The following CDK15 variants were observed in gnomAD, a reference collection of about 807,000 sequenced individuals.
CDK15 encodes the protein cyclin dependent kinase 15.
CDK15 carries 62 observed loss-of-function variants against 60.3 expected under a neutral mutation model. That is an observed-to-expected ratio of 1.03 (90% CI 0.84 to 1.27). The LOEUF (loss-of-function observed/expected upper bound fraction) is 1.27. Ranked by LOEUF, CDK15 falls within the 50% of genes most tolerant of loss-of-function variation. CDK15 has a pLI of 0.00. For missense variants in CDK15, 541 were observed against 527.8 expected, an observed-to-expected ratio of 1.03 and a Z score of -0.25; for synonymous variants, 194 against 195.7, an observed-to-expected ratio of 0.99 and a Z score of 0.07.
intron 3 of CDK15, among the ~76,000 whole-genome samples, chr2:201,812,090 C>T (rs761424679): frequency 2.0e-5 from 3 of 149,144 alleles, no homozygotes; most frequent in African/African-American, 2.5e-5. Context: ...AGGAGAATTG[C>T]TTGAACCCAG....
intron 12 of CDK15, among the ~76,000 whole-genome samples, chr2:201,884,799 T>C (rs1434728129): frequency 6.6e-6 from 1 of 152,226 alleles, no homozygotes; most frequent in Non-Finnish European, 1.5e-5. Context: ...CATTCATTCA[T>C]TGGAGGTTTA....
chr2:201,808,917 T>G (rs1351631415), intron 3 of CDK15: 1 of 43,326 alleles, frequency 2.3e-5, no homozygotes, highest in Non-Finnish European at 4.9e-5. Flanking sequence ...TTTATTTTAT[T>G]ATTTATATAT....
chr2:201,884,182 T>C (rs1396814614), intron 12 of CDK15, among the ~76,000 whole-genome samples: 1 of 152,210 alleles, frequency 6.6e-6, no homozygotes, highest in Non-Finnish European at 1.5e-5. Flanking sequence ...CATCAAAGGC[T>C]GTCTCTCTTT....
intron 10 of CDK15, among the ~76,000 whole-genome samples, chr2:201,858,039 A>G (rs1698218634): frequency 6.6e-6 from 1 of 152,140 alleles, no homozygotes; most frequent in Non-Finnish European, 1.5e-5. Flanking sequence ...AGCCAGTACA[A>G]TTTTGAGGGA....
intron 8 of CDK15, among the ~76,000 whole-genome samples, chr2:201,844,830 G>A (rs1322710878): frequency 6.6e-6 from 1 of 151,742 alleles, no homozygotes; most frequent in African/African-American, 2.4e-5. Context: ...AAATGGGGCT[G>A]TTATATCCAA....
At chr2:201,860,912 C>T (rs1258064694) in intron 10 of CDK15, 2 of 1,336,582 alleles carry the variant, frequency 1.5e-6, no homozygotes, top group East Asian at 4.6e-5. Flanking sequence ...CTTGTCCCCA[C>T]TGGGATGATA....
At chr2:201,845,710 TTAA>T (rs965212970) in intron 8 of CDK15, among the ~76,000 whole-genome samples, 7 of 152,108 alleles carry the variant, frequency 4.6e-5, no homozygotes, top group African/African-American at 1.4e-4. Context: ...TAATAAATTT[TTAA>T]TAATATTATC....
intron 10 of CDK15, among the ~76,000 whole-genome samples, chr2:201,868,027 C>T (rs1033364492): frequency 2.0e-5 from 3 of 152,130 alleles, no homozygotes; most frequent in Admixed American, 6.5e-5. Context: ...TACCATACTA[C>T]CAAGCTAAGA....
chr2:201,841,667 T>C (rs1697389918), intron 8 of CDK15, among the ~76,000 whole-genome samples: 1 of 152,200 alleles, frequency 6.6e-6, no homozygotes, highest in Non-Finnish European at 1.5e-5. Context: ...TCAGCATTAG[T>C]GCATTTGTCT....
In CDK15 at chr2:201,836,058, T is replaced by TATTATATATTTATATTTA. The variant is rs1553523956; in HGVS notation, c.851+295_851+296insATTATATATTTATATTTA. ...TATTTTATATATATTTATATATATA[T>TATTATATATTTATATTTA]TATATATATTTATATTTATATATAT... On this transcript the variant is annotated intron_variant, in intron 8 of 13. Coordinates refer to ENST00000652192, the MANE Select transcript of CDK15 (RefSeq NM_001366386.2). Among the ~76,000 whole-genome samples the TATTATATATTTATATTTA allele has an allele frequency of 1.5e-3, 140 of 96,002 alleles. 2 individuals are homozygous for TATTATATATTTATATTTA. The highest frequency in any genetic ancestry group is 6.1e-3 in the African/African-American group (125 of 20,512). 63.0% of individuals were successfully genotyped at this position (96,002 alleles called of 152,430 possible).
chr2:201,833,960 T>C lies in CDK15; in HGVS notation c.719T>C (p.Leu240Pro), dbSNP rs1696891969. The C allele has an allele frequency of 6.2e-7, 1 of 1,613,506 alleles. No individual in the cohort carries two copies. Among genetic ancestry groups the C allele is most frequent in the Admixed American group, 1.7e-5 (1 of 59,926 alleles). The change falls in exon 7 of 14, where the codon CTG becomes CCG. Residue 240 changes from leucine (L) to proline (P), a missense_variant. Leu to Pro is a moderately conservative substitution (Grantham distance 98, BLOSUM62 -3). Transcript: ENST00000652192. ...LLISHLGELK[L>P]ADFGLARAKS... is the part of the protein sequence containing the mutation. ...ATCAGTCACCTGGGAGAGCTCAAAC[T>C]GGCTGATTTTGGTAAGTCGCCCCTC...
At chr2:201,811,004 G>A (rs889723015) in intron 3 of CDK15, among the ~76,000 whole-genome samples, 1 of 151,454 alleles carries the variant, frequency 6.6e-6, no homozygotes, top group African/African-American at 2.4e-5. Context: ...CACCATACCC[G>A]GCTAATTTTT....
rs1472047870 is a variant in CDK15, at chr2:201,880,121, T to C, written c.1152T>C (p.His384=). Residue 384 remains histidine (H), a synonymous_variant, in exon 12 of 14, where the codon CAT becomes CAC. Coordinates refer to ENST00000652192, the MANE Select transcript of CDK15 (RefSeq NM_001366386.2). The part of the protein sequence containing the change: ...DRVSAQEALV[H]DYFSALPSQL... ...TCTCCGCCCAGGAAGCACTTGTTCA[T>C]GATTATTTCAGCGCCCTGCCATCTC... The C allele has an allele frequency of 1.9e-6, 3 of 1,613,956 alleles. No individual in the cohort carries two copies. The African/African-American group carries it at 4.0e-5, about 22-fold the overall frequency.
rs373450112 is a variant in CDK15, at chr2:201,807,503, C to G, written c.133C>G (p.Leu45Val). 1 of 1,613,680 alleles carries G rather than the reference C, an allele frequency of 6.2e-7. No homozygotes were observed. The highest frequency in any genetic ancestry group is 1.3e-5 in the African/African-American group (1 of 74,980). Residue 45 changes from leucine to valine, a missense_variant, in exon 2 of 14, where the codon CTA becomes GTA. Leu to Val is a conservative substitution (Grantham distance 32). Coordinates refer to ENST00000652192, the MANE Select transcript of CDK15 (RefSeq NM_001366386.2). ...TTTCTTTTTTCTCTAGCTAACAGAC[C>G]TAAAAGAAGCATCATGTTCCATGAC... ...TTEAAFKLTD[L>V]KEASCSMTSF...
At chr2:201,833,398 T>C (rs747218905) in intron 6 of CDK15, among the ~76,000 whole-genome samples, 1 of 152,114 alleles carries the variant, frequency 6.6e-6, no homozygotes, top group Non-Finnish European at 1.5e-5. Context: ...TTTAAAAGGG[T>C]TTCATATTGG....
rs1418424801 is a variant in CDK15 at position 201,893,388 on chromosome 2, G to C, written c.*121G>C. On this transcript the variant is annotated 3_prime_UTR_variant, in exon 14 of 14. Transcript: ENST00000652192. Reference sequence around the variant, plus strand: ...CTCCATACTGAACAAGGGGCTTTATGTCCTCACCTATGACCTGGAATAGTT... The same window carrying C: ...CTCCATACTGAACAAGGGGCTTTATCTCCTCACCTATGACCTGGAATAGTT... 1 of 152,128 alleles carries C rather than the reference G, an allele frequency of 6.6e-6. No homozygotes were observed. Among genetic ancestry groups the C allele is most frequent in the African/African-American group, 2.4e-5 (1 of 41,420 alleles). The allele number at this position is 152,128 out of a possible 1,614,324, so 9.4% of individuals were successfully genotyped here.
chr2:201,855,307 T>C (rs1159090090), intron 10 of CDK15, among the ~76,000 whole-genome samples: 2 of 152,188 alleles, frequency 1.3e-5, no homozygotes, highest in Non-Finnish European at 2.9e-5. Context: ...ATTGCATATG[T>C]ATAAAAAGAA....
intron 6 of CDK15, among the ~76,000 whole-genome samples, chr2:201,829,166 A>C (rs898195003): frequency 6.6e-6 from 1 of 152,222 alleles, no homozygotes; most frequent in Non-Finnish European, 1.5e-5. Context: ...TGTGGTGAAT[A>C]GATTGGGATG....
intron 10 of CDK15, among the ~76,000 whole-genome samples, chr2:201,865,533 G>A (rs1698585138): frequency 6.6e-6 from 1 of 152,176 alleles, no homozygotes; most frequent in African/African-American, 2.4e-5. Context: ...ACAATGCCAA[G>A]GAGCACCCTC....
Sources: gnomAD v4.1 joint callset for allele counts (sites outside exome capture counted in the v4.1 genomes callset) on GRCh38, gnomAD v4.1.1 for gene constraint, MANE v1.5 for transcripts, NCBI Gene and HGNC (gene_info 2026-07-23, HGNC 2026-07-21) for gene names.